The following KIF21B variants were observed in gnomAD, a reference collection of about 807,000 sequenced individuals.
KIF21B encodes the protein kinesin-like protein KIF21B.
Under a neutral mutation model 192.9 loss-of-function variants are expected in KIF21B, and 85 were observed. That is an observed-to-expected ratio of 0.44 (90% CI 0.37 to 0.53). The LOEUF is 0.53. Ranked by LOEUF, KIF21B falls within the 20% of genes least tolerant of loss-of-function variation. The pLI is 0.00. For synonymous variants in KIF21B, 832 were observed against 884.6 expected, an observed-to-expected ratio of 0.94 and a Z score of 1.05; for missense variants, 1,716 against 2,194.8, an observed-to-expected ratio of 0.78 and a Z score of 4.36.
chr1:200,973,050 A>C lies in KIF21B; in HGVS notation c.*471T>G, dbSNP rs1333634670. The C allele has an allele frequency of 6.4e-6, 1 of 155,062 alleles. No individual in the cohort carries two copies. Among genetic ancestry groups the C allele is most frequent in the African/African-American group, 2.4e-5 (1 of 41,548 alleles). 9.6% of individuals were successfully genotyped at this position (155,062 alleles called of 1,614,324 possible). A position where few individuals can be genotyped will look rare whatever the true frequency, so the allele number is the denominator to read the frequency against. ...CCGCCCACACCTGGTTTCCTTAGCT[A>C]CCTGAGGACTTATCTTTTTGGGCTC... On this transcript the variant is annotated 3_prime_UTR_variant, in exon 35 of 35. Coordinates refer to ENST00000461742, the MANE Select transcript of KIF21B (RefSeq NM_001252102.2).
At position 201,023,328 on chromosome 1, in the gene KIF21B, G is replaced by A; in HGVS notation, c.41+15C>T. On this transcript the variant is annotated intron_variant, in intron 1 of 34. Coordinates refer to ENST00000461742, the MANE Select transcript of KIF21B (RefSeq NM_001252102.2). The surrounding 1 kb of genome is among the most constrained non-coding windows in gnomAD (Gnocchi z 5.9). ...GGCTTCTCCGCGCGCCCCCTTCCCC[G>A]CCCCGGGTCCCTACCTGACGGCCAC... 6.6e-7 allele frequency: 1 copy of A among 1,522,968 alleles called. No individual in the cohort carries two copies. 94.3% of individuals were successfully genotyped at this position (1,522,968 alleles called of 1,614,324 possible).
rs1287317579 is a variant in KIF21B at position 200,983,044 on chromosome 1, TTC to T, written c.3842+10_3842+11del. 1 of 1,535,754 alleles carries T rather than the reference TTC, an allele frequency of 6.5e-7. No homozygotes were observed. Among genetic ancestry groups the T allele is most frequent in the East Asian group, 2.4e-5 (1 of 40,904 alleles). On this transcript the variant is annotated intron_variant, in intron 28 of 34. Coordinates refer to ENST00000461742, the MANE Select transcript of KIF21B (RefSeq NM_001252102.2). ...AGTGGGGAACCAAACACGAGAGACA[TTC>T]TGTGTGTACCTCAGGACCTCCGACA... is the stretch of plus-strand genomic sequence containing the variant.
At position 201,023,238 on chromosome 1, in the gene KIF21B, G is replaced by T. The variant is rs940757574; in HGVS notation, c.41+105C>A. On this transcript the variant is annotated intron_variant, in intron 1 of 34. Transcript: ENST00000461742. This position sits in a 1 kb window ranked among gnomAD's most constrained non-coding sequence, Gnocchi z 5.9. ...TCCCACGCCGGCCCCTCCTCCGGGA[G>T]TGCAGGCTCCAGCCCAAGCGGTGCT... 29 of 992,788 alleles carry T rather than the reference G, an allele frequency of 2.9e-5. No homozygotes were observed. Among genetic ancestry groups the T allele is most frequent in the Non-Finnish European group, 4.0e-5 (29 of 718,444 alleles). The allele number at this position is 992,788 out of a possible 1,614,324, so 61.5% of individuals were successfully genotyped here.
Position 201,002,368 on chromosome 1 carries a change from G to C in KIF21B, c.1213-18C>G. ...CGCTTGCCCTGGGAGCAGGGGCAAA[G>C]GGGAGCAGTCAGGCAGCAGAGCTCG... On this transcript the variant is annotated intron_variant, in intron 8 of 34. Coordinates refer to ENST00000461742, the MANE Select transcript of KIF21B (RefSeq NM_001252102.2). 1 of 1,605,448 alleles carries C rather than the reference G, an allele frequency of 6.2e-7. No homozygotes were observed. Among genetic ancestry groups the C allele is most frequent in the South Asian group, 1.1e-5 (1 of 90,946 alleles).
chr1:201,015,420 C>G (rs572106503), intron 1 of KIF21B, among the ~76,000 whole-genome samples: 14 of 152,346 alleles, frequency 9.2e-5, no homozygotes, highest in Admixed American at 2.6e-4. Context: ...CATATCTGCT[C>G]TTTTCTGCTA....
chr1:200,980,943 G>T lies in KIF21B; in HGVS notation c.3979+17C>A, dbSNP rs377377985. Reference sequence around the variant, plus strand: ...AGGAGACCCCAACCCTACCTGGCTAGTTGGCGTTCCACATACCTTTGGACC... The same window carrying T: ...AGGAGACCCCAACCCTACCTGGCTATTTGGCGTTCCACATACCTTTGGACC... On this transcript the variant is annotated intron_variant, in intron 29 of 34. Transcript: ENST00000461742. 6.8e-6 allele frequency: 11 copies of T among 1,606,668 alleles called. No individual in the cohort carries two copies. The African/African-American group carries it at 1.5e-4, about 22-fold the overall frequency.
At chr1:201,022,746 C>A (rs1358119142) in intron 1 of KIF21B, among the ~76,000 whole-genome samples, 2 of 152,238 alleles carry the variant, frequency 1.3e-5, no homozygotes, top group Non-Finnish European at 2.9e-5. Flanking sequence ...TACACCTCTT[C>A]CTCCCTTCCT....
intron 1 of KIF21B, among the ~76,000 whole-genome samples, chr1:201,012,146 T>A (rs1336583526): frequency 6.6e-6 from 1 of 152,156 alleles, no homozygotes; most frequent in African/African-American, 2.4e-5. Context: ...CAACACATCC[T>A]GAGATGAGGG....
chr1:201,002,504 G>A (rs1657560411), intron 8 of KIF21B, 154 bp from the exon 9 acceptor site: 2 of 643,050 alleles, frequency 3.1e-6, no homozygotes, highest in Non-Finnish European at 5.4e-6. Flanking sequence ...CTAAAACACA[G>A]CTACTGGCCC....
At position 201,000,884 on chromosome 1, in the gene KIF21B, G is replaced by C; in HGVS notation, c.1403-104C>G. 5 of 1,127,598 alleles carry C rather than the reference G, an allele frequency of 4.4e-6. No individual in the cohort carries two copies. Among genetic ancestry groups the C allele is most frequent in the Non-Finnish European group, 6.7e-6 (5 of 748,756 alleles). 69.8% of individuals were successfully genotyped at this position (1,127,598 alleles called of 1,614,324 possible). ...GCACTTTGGGAGGCCAAGGCGGGCG[G>C]ATCACCTGAGGCTGGGAGTTCGAGA... On this transcript the variant is annotated intron_variant, in intron 9 of 34. Transcript: ENST00000461742. The surrounding 1 kb of genome is among the most constrained non-coding windows in gnomAD (Gnocchi z 6.0).
In KIF21B at chr1:201,009,299, C is replaced by T; in HGVS notation, c.231G>A (p.Glu77=). 1.2e-6 allele frequency: 2 copies of T among 1,614,266 alleles called. No individual in the cohort carries two copies. Among genetic ancestry groups the T allele is most frequent in the Non-Finnish European group, 1.7e-6 (2 of 1,180,042 alleles). Residue 77 remains glutamate, a synonymous_variant, in exon 2 of 35, where the codon GAG becomes GAA. Transcript: ENST00000461742. ...CVSKLIEGCF[E]GYNATVLAYG... is the part of the protein sequence containing the mutation. ...AGGCCAGCACCGTGGCATTATAGCC[C>T]TCGAAGCAGCCCTCGATGAGCTTGC... is the stretch of plus-strand genomic sequence containing the variant.
chr1:200,991,733 A>G lies in KIF21B; in HGVS notation c.2386-8T>C, dbSNP rs1235569828. On this transcript the variant is annotated splice_polypyrimidine_tract_variant and splice_region_variant and intron_variant, in intron 16 of 34. Transcript: ENST00000461742. ...CAGAGCTCGGATCTGAAACTGTGGG[A>G]GACAGAAGAGGGCTGGGCTCCACAC... 6.2e-7 allele frequency: 1 copy of G among 1,613,892 alleles called. No homozygotes were observed. Among genetic ancestry groups the G allele is most frequent in the Non-Finnish European group, 8.5e-7 (1 of 1,179,928 alleles).
At chr1:200,988,651 G>T (rs1026138821) in intron 22 of KIF21B, 107 bp from the exon 23 acceptor site, 2 of 1,474,502 alleles carry the variant, frequency 1.4e-6, no homozygotes, top group African/African-American at 1.4e-5. Context: ...ATCAGACCAG[G>T]GCTCCTGGTG....
rs777236820 is a variant in KIF21B, at chr1:201,005,594, C to T, written c.548G>A (p.Gly183Asp). 20 of 1,613,442 alleles carry T rather than the reference C, an allele frequency of 1.2e-5. No individual in the cohort carries two copies. Among genetic ancestry groups the T allele is most frequent in the Non-Finnish European group, 1.5e-5 (18 of 1,179,762 alleles). ...AGAAGTGACGCCAGTGGTGTAGATG[C>T]CACCGTTTGCGTCCTCGTGGATCTT... ...NIKIHEDANG[G>D]IYTTGVTSRL... The change falls in exon 4 of 35, where the codon GGC (glycine) becomes GAC (aspartate). Residue 183 changes from glycine (G) to aspartate (D), a missense_variant. Physicochemically the swap from Gly to Asp is moderately conservative, Grantham distance 94. Coordinates refer to ENST00000461742, the MANE Select transcript of KIF21B (RefSeq NM_001252102.2).
At position 201,000,525 on chromosome 1, in the gene KIF21B, A is replaced by C. The variant is rs1443968197; in HGVS notation, c.1550T>G (p.Leu517Arg). The change falls in exon 11 of 35, where the codon CTG becomes CGG. Residue 517 changes from leucine to arginine, a missense_variant. Around this residue, in one of 3 missense-constraint regions of KIF21B, gnomAD observed 1,087 missense variants for 1,316.6 expected, o/e 0.83. Coordinates refer to ENST00000461742, the MANE Select transcript of KIF21B (RefSeq NM_001252102.2). This position sits in a 1 kb window ranked among gnomAD's most constrained non-coding sequence, Gnocchi z 6.0. ...SRASARSPYS[L>R]GASPAAPAFG... ...GGCCGGGGCGGCTGGAGAAGCACCCAGGGAGTAGGGGCTCCTAGCCGAGGC... is the reference window on the plus strand; with the variant it reads ...GGCCGGGGCGGCTGGAGAAGCACCCCGGGAGTAGGGGCTCCTAGCCGAGGC... 6.2e-7 allele frequency: 1 copy of C among 1,612,326 alleles called. No homozygotes were observed. Among genetic ancestry groups the C allele is most frequent in the South Asian group, 1.1e-5 (1 of 91,058 alleles).
In KIF21B at chr1:200,988,067, G is replaced by A. The variant is rs527939269; in HGVS notation, c.3408+229C>T. Among the ~76,000 whole-genome samples the A allele has an allele frequency of 1.4e-3, 219 of 152,326 alleles. 2 individuals are homozygous for A. The highest frequency in any genetic ancestry group is 4.9e-3 in the African/African-American group (203 of 41,570). Reference sequence around the variant, plus strand: ...AGGGTGGCAACAGAGGCTAGCGGTGGCTCCAGCCACTTCTCCCACCTTCCA... The same window carrying A: ...AGGGTGGCAACAGAGGCTAGCGGTGACTCCAGCCACTTCTCCCACCTTCCA... On this transcript the variant is annotated intron_variant, in intron 24 of 34. Coordinates refer to ENST00000461742, the MANE Select transcript of KIF21B (RefSeq NM_001252102.2).
intron 1 of KIF21B, among the ~76,000 whole-genome samples, chr1:201,015,145 C>A (rs188226915): frequency 2.6e-5 from 4 of 152,354 alleles, no homozygotes; most frequent in Admixed American, 2.0e-4. Flanking sequence ...TAACTCGGCT[C>A]AAGGTCACAT....
chr1:200,974,301 C>T, intron 34 of KIF21B: 1 of 1,334,112 alleles, frequency 7.5e-7, no homozygotes, highest in Non-Finnish European at 1.0e-6. Flanking sequence ...ATCTGAGTCG[C>T]ACCCCATGGG....
intron 21 of KIF21B, 97 bp from the exon 22 acceptor site, chr1:200,989,028 C>A: frequency 7.9e-7 from 1 of 1,260,046 alleles, no homozygotes; most frequent in Non-Finnish European, 1.1e-6. Flanking sequence ...TTGGAGTGCT[C>A]CTTTCCAGCT....
Sources: allele counts gnomAD v4.1 joint callset (sites outside exome capture counted in the v4.1 genomes callset), GRCh38; gene constraint gnomAD v4.1.1; regional missense constraint gnomAD v4.1.1; non-coding constraint Gnocchi (gnomAD v3.1); transcripts MANE v1.5; gene names NCBI Gene and HGNC (gene_info 2026-07-23, HGNC 2026-07-21).